KCNK2: variants seen among roughly 807,000 people sequenced by gnomAD.
The protein encoded by KCNK2 is potassium two pore domain channel subfamily K member 2, also known as potassium channel subfamily K member 2.
In KCNK2, 21 loss-of-function variants were observed where a neutral mutation model predicts 40.5. The ratio of observed to expected loss-of-function variants is 0.52; its 90% CI spans 0.37 to 0.75. The LOEUF (loss-of-function observed/expected upper bound fraction) is 0.75, where lower values mean the gene tolerates loss of function less well. Ranked by LOEUF, KCNK2 falls within the 30% of genes least tolerant of loss-of-function variation. The pLI is 0.00. For synonymous variants in KCNK2, 191 were observed against 202.2 expected (o/e 0.94, Z 0.47); for missense variants, 399 against 531.6 (o/e 0.75, Z 2.45).
At chr1:215,092,098 G>A (rs1033631158) in intron 2 of KCNK2, among the ~76,000 whole-genome samples, 1 of 152,148 alleles carries the variant, frequency 6.6e-6, no homozygotes, top group Non-Finnish European at 1.5e-5. Context: ...AACAGGGGAG[G>A]CAGGCAGGAG....
chr1:215,227,462 G>A (rs933708979), intron 6 of KCNK2, among the ~76,000 whole-genome samples: 2 of 152,146 alleles, frequency 1.3e-5, no homozygotes, highest in Non-Finnish European at 2.9e-5. Flanking sequence ...AAACGTTCAG[G>A]ATGGCCCCCG....
chr1:215,131,354 T>C (rs932092128), intron 3 of KCNK2, among the ~76,000 whole-genome samples: 1 of 147,084 alleles, frequency 6.8e-6, no homozygotes, highest in African/African-American at 2.5e-5. Flanking sequence ...TAATATCAAT[T>C]TATTATATAT....
chr1:215,128,187 G>T (rs1441399841), intron 3 of KCNK2, among the ~76,000 whole-genome samples: 1 of 152,194 alleles, frequency 6.6e-6, no homozygotes, highest in African/African-American at 2.4e-5. Context: ...CATTGTCCCA[G>T]TTGACTGGAA....
chr1:215,103,169 C>T (rs546778860), intron 2 of KCNK2, among the ~76,000 whole-genome samples: 5 of 151,632 alleles, frequency 3.3e-5, no homozygotes, highest in South Asian at 4.2e-4. Context: ...ATCTCTGGGA[C>T]GATATAGGGA....
chr1:215,083,994 G>A (rs367639090), intron 1 of KCNK2, among the ~76,000 whole-genome samples: 1 of 152,004 alleles, frequency 6.6e-6, no homozygotes, highest in African/African-American at 2.4e-5. Context: ...GCGTGGAGGT[G>A]GAAACCAAGA....
At chr1:215,182,182 TCTGAATGC>T (rs199592978) in intron 5 of KCNK2, among the ~76,000 whole-genome samples, 4,618 of 152,132 alleles carry the variant, frequency 0.03, 94 homozygotes, top group South Asian at 0.059. Context: ...AAACAGATGC[TCTGAATGC>T]CTGGAGATCT....
intron 2 of KCNK2, among the ~76,000 whole-genome samples, chr1:215,097,659 T>C (rs1197738928): frequency 6.6e-6 from 1 of 152,028 alleles, no homozygotes. Context: ...CTAGAAGGTG[T>C]CAATTCCTTT....
rs1232317385 is a variant in KCNK2, at chr1:215,177,738, A to ATT, written c.823+5556_823+5557insTT. Among the ~76,000 whole-genome samples the ATT allele has an allele frequency of 6.9e-3, 357 of 51,874 alleles. 1 individual carries two copies. Among genetic ancestry groups the ATT allele is most frequent in the African/African-American group, 0.021 (305 of 14,220 alleles). The allele number at this position is 51,874 out of a possible 152,430, so 34.0% of individuals were successfully genotyped here. A position where few individuals can be genotyped will look rare whatever the true frequency, so the allele number is the denominator to read the frequency against. ...TATATATGTGTATATATATATATAT[A>ATT]TATTTTTTTTTTTTGTAGCAGTACC... On this transcript the variant is annotated intron_variant, in intron 5 of 6. Transcript: ENST00000444842.
chr1:215,112,619 C>A lies in KCNK2; in HGVS notation c.358-12014C>A, dbSNP rs568178776. On this transcript the variant is annotated intron_variant, in intron 2 of 6. Coordinates refer to ENST00000444842, the MANE Select transcript of KCNK2 (RefSeq NM_001017425.3). ...ACTCACCACTCACTCACTGGCTCAC[C>A]CAGAACAACTTCCTGTCCTGCAAGC... 1.6e-4 allele frequency among the ~76,000 whole-genome samples: 25 copies of A among 152,210 alleles called. 1 individual carries two copies. The South Asian group carries it at 5.2e-3, about 32-fold the overall frequency.
intron 3 of KCNK2, among the ~76,000 whole-genome samples, chr1:215,140,117 A>G (rs1662109993): frequency 6.6e-6 from 1 of 152,204 alleles, no homozygotes; most frequent in African/African-American, 2.4e-5. Context: ...TTCAAAATGA[A>G]AACATAAAAA....
chr1:215,224,672 TACAAAAGTGAAA>T (rs1363868276), intron 6 of KCNK2, among the ~76,000 whole-genome samples: 1 of 152,110 alleles, frequency 6.6e-6, no homozygotes, highest in African/African-American at 2.4e-5. Context: ...CAAGGAAACT[TACAAAAGTGAAA>T]ACATTATGCA....
intron 3 of KCNK2, among the ~76,000 whole-genome samples, chr1:215,131,500 A>C (rs989407859): frequency 2.7e-5 from 4 of 147,404 alleles, no homozygotes; most frequent in Non-Finnish European, 6.0e-5. Flanking sequence ...AATTATTAAT[A>C]TATAAAATTA....
chr1:215,171,791 T>C (rs1278529809), intron 4 of KCNK2, among the ~76,000 whole-genome samples: 3 of 152,110 alleles, frequency 2.0e-5, no homozygotes, highest in African/African-American at 7.2e-5. Context: ...TACCTAATTT[T>C]CATAAGTAAA....
At chr1:215,200,714 T>C (rs1353490712) in intron 6 of KCNK2, among the ~76,000 whole-genome samples, 1 of 152,118 alleles carries the variant, frequency 6.6e-6, no homozygotes, top group Non-Finnish European at 1.5e-5. Context: ...GGGATAGAGA[T>C]GAAAGTTCAG....
At chr1:215,092,447 C>G (rs1463135085) in intron 2 of KCNK2, among the ~76,000 whole-genome samples, 1 of 152,134 alleles carries the variant, frequency 6.6e-6, no homozygotes, top group Non-Finnish European at 1.5e-5. Flanking sequence ...GCAGGGCTTA[C>G]AGATCCACAG....
intron 6 of KCNK2, 111 bp downstream of exon 6, chr1:215,195,203 T>C (rs1664815010): frequency 1.1e-6 from 1 of 876,066 alleles, no homozygotes; most frequent in Non-Finnish European, 1.6e-6. Context: ...AAAATGTTAA[T>C]ATTTTCTATT....
At chr1:215,171,902 T>C in intron 4 of KCNK2, 95 bp from the exon 5 acceptor site, 2 of 787,786 alleles carry the variant, frequency 2.5e-6, no homozygotes, top group Non-Finnish European at 1.8e-6. Context: ...TACAAGTAAT[T>C]TCTCTCTCTC....
At chr1:215,103,423 C>A (rs999526467) in intron 2 of KCNK2, among the ~76,000 whole-genome samples, 1 of 151,950 alleles carries the variant, frequency 6.6e-6, no homozygotes, top group Non-Finnish European at 1.5e-5. Flanking sequence ...AAATCTTCCA[C>A]AAGATTGATA....
intron 6 of KCNK2, among the ~76,000 whole-genome samples, chr1:215,231,037 T>G (rs978435852): frequency 6.6e-6 from 1 of 152,178 alleles, no homozygotes; most frequent in African/African-American, 2.4e-5. Flanking sequence ...GCTCTACATG[T>G]TCCTGTTTCC....
Sources: allele counts gnomAD v4.1 joint callset (sites outside exome capture counted in the v4.1 genomes callset), GRCh38; gene constraint gnomAD v4.1.1; transcripts MANE v1.5; gene names NCBI Gene and HGNC (gene_info 2026-07-23, HGNC 2026-07-21).